NTSR1: variants seen among roughly 807,000 people sequenced by gnomAD.
The protein encoded by NTSR1 is neurotensin receptor type 1.
A neutral mutation model predicts 31.2 loss-of-function variants in NTSR1; 29 were observed. That is an observed-to-expected ratio of 0.93 (90% confidence interval 0.69 to 1.27). The LOEUF (loss-of-function observed/expected upper bound fraction) is 1.27, where lower values mean the gene tolerates loss of function less well. NTSR1 is among the 50% of genes most tolerant of loss of function. NTSR1 has a pLI of 0.00. For missense variants in NTSR1, 697 were observed against 595.4 expected (o/e 1.17, Z -1.78); for synonymous variants, 282 against 269.9 (o/e 1.04, Z -0.44).
chr20:62,716,818 C>T (rs117690058), intron 1 of NTSR1, among the ~76,000 whole-genome samples: 1,563 of 152,354 alleles, frequency 0.01, 14 homozygotes, highest in Middle Eastern at 0.054. Context: ...GCTAGCTCTG[C>T]AAGGGGGGCA....
Position 62,745,562 on chromosome 20 carries a change from A to G in NTSR1, c.715-9123A>G, listed in dbSNP as rs1485513164. 1.3e-5 allele frequency among the ~76,000 whole-genome samples: 2 copies of G among 152,142 alleles called. No individual in the cohort carries two copies. The highest frequency in any genetic ancestry group is 4.8e-5 in the African/African-American group (2 of 41,418). On this transcript the variant is annotated intron_variant, in intron 1 of 3. Coordinates refer to ENST00000370501, the MANE Select transcript of NTSR1 (RefSeq NM_002531.3). This position sits in a 1 kb window ranked among gnomAD's most constrained non-coding sequence, Gnocchi z 4.1. ...AAAACACACAGATATACAGAGAGAG[A>G]CACAACAGAGACAGACACAGGAAGG...
chr20:62,754,977 T>C, intron 2 of NTSR1, 91 bp downstream of exon 2: 1 of 1,295,426 alleles, frequency 7.7e-7, no homozygotes, highest in Non-Finnish European at 1.1e-6. Context: ...TGGGCAAGGT[T>C]TAAAGACATA....
rs907900840 is a variant in NTSR1, at chr20:62,760,322, G to A, written c.*55G>A. ...AGCCTGGCCATGGGTCCTTGCCCCC[G>A]ACAGACAGAGCAGCCCCCACCCGGG... On this transcript the variant is annotated 3_prime_UTR_variant, in exon 4 of 4. Transcript: ENST00000370501. 96 of 1,547,000 alleles carry A rather than the reference G, an allele frequency of 6.2e-5. No homozygotes were observed. The highest frequency in any genetic ancestry group is 1.1e-4 in the East Asian group (5 of 44,148).
Position 62,709,147 on chromosome 20 carries a change from C to CT in NTSR1, c.-60dup. 6.1e-6 allele frequency: 8 copies of CT among 1,315,492 alleles called. No individual in the cohort carries two copies. Among genetic ancestry groups the CT allele is most frequent in the Non-Finnish European group, 7.9e-6 (8 of 1,016,868 alleles). 81.5% of individuals were successfully genotyped at this position (1,315,492 alleles called of 1,614,324 possible). On this transcript the variant is annotated 5_prime_UTR_variant, in exon 1 of 4. Transcript: ENST00000370501. ...TCGGTCCCCGCCTGAGACGCGCCCA[C>CT]TCCTGCCCGGACTTCCAGCCCCGGA...
At chr20:62,755,043 GCCATTCTGCACT>G (rs1989460849) in intron 2 of NTSR1, among the ~76,000 whole-genome samples, 157 bp downstream of exon 2, 2 of 151,720 alleles carry the variant, frequency 1.3e-5, no homozygotes, top group South Asian at 4.1e-4. Context: ...AGGGGTGAGT[GCCATTCTGCACT>G]CCATCCCTCC....
rs1255031012 is a variant in NTSR1, at chr20:62,741,118, G to A, written c.715-13567G>A. Among the ~76,000 whole-genome samples the A allele has an allele frequency of 6.6e-6, 1 of 152,118 alleles. No homozygotes were observed. The highest frequency in any genetic ancestry group is 1.9e-4 in the East Asian group (1 of 5,182). On this transcript the variant is annotated intron_variant, in intron 1 of 3. Coordinates refer to ENST00000370501, the MANE Select transcript of NTSR1 (RefSeq NM_002531.3). The surrounding 1 kb of genome is among the most constrained non-coding windows in gnomAD (Gnocchi z 4.3). ...CAGCACAGGTAGAGGAGGCAAGGGT[G>A]TCAGGAAGGCTCTTTCCCTAATCTG...
At chr20:62,754,264 C>T (rs1299168150) in intron 1 of NTSR1, among the ~76,000 whole-genome samples, 1 of 152,222 alleles carries the variant, frequency 6.6e-6, no homozygotes, top group Admixed American at 6.5e-5. Flanking sequence ...GACTCTCCCA[C>T]AGGACGGGCC....
intron 1 of NTSR1, among the ~76,000 whole-genome samples, chr20:62,749,233 A>C (rs1989352413): frequency 6.6e-6 from 1 of 152,196 alleles, no homozygotes; most frequent in African/African-American, 2.4e-5. Context: ...CGAGGTCAGG[A>C]GATCGAGACC....
chr20:62,727,659 G>A (rs1031822512), intron 1 of NTSR1, among the ~76,000 whole-genome samples: 1 of 152,220 alleles, frequency 6.6e-6, no homozygotes, highest in South Asian at 2.1e-4. Flanking sequence ...GGAGGCGGGA[G>A]TGCCTGAGCC....
intron 1 of NTSR1, among the ~76,000 whole-genome samples, chr20:62,716,226 C>T (rs1845757592): frequency 6.6e-6 from 1 of 152,162 alleles, no homozygotes; most frequent in Non-Finnish European, 1.5e-5. Flanking sequence ...CTCTTTTCTG[C>T]TTTCTGGCTC....
Position 62,760,195 on chromosome 20 carries a change from C to G in NTSR1, c.1185C>G (p.Phe395Leu), listed in dbSNP as rs142679048. The G allele has an allele frequency of 6.2e-7, 1 of 1,613,994 alleles. No individual in the cohort carries two copies. Among genetic ancestry groups the G allele is most frequent in the Non-Finnish European group, 8.5e-7 (1 of 1,180,028 alleles). ...VWRRRRKRPA[F>L]SRKADSVSSN... ...GGCGCAGGAGGAAGAGGCCAGCCTT[C>G]TCGAGGAAGGCCGACAGCGTGTCCA... Residue 395 changes from phenylalanine (F) to leucine (L), a missense_variant, in exon 4 of 4, where the codon TTC (phenylalanine) becomes TTG (leucine). Transcript: ENST00000370501.
chr20:62,709,304 C>T lies in NTSR1; in HGVS notation c.97C>T (p.Pro33Ser), dbSNP rs763237065. ...QAGLEEALLA[P>S]GFGNASGNAS... ...CGGACTGGAGGAGGCGCTGCTGGCC[C>T]CGGGCTTCGGCAACGCTTCGGGCAA... is the stretch of plus-strand genomic sequence containing the variant. Residue 33 changes from proline (P) to serine (S), a missense_variant, in exon 1 of 4, where the codon CCG (proline) becomes TCG (serine). Pro to Ser is a moderately conservative substitution (Grantham distance 74). Transcript: ENST00000370501. 1 of 1,601,622 alleles carries T rather than the reference C, an allele frequency of 6.2e-7. No individual in the cohort carries two copies. The highest frequency in any genetic ancestry group is 1.7e-5 in the Admixed American group (1 of 59,430).
Position 62,732,291 on chromosome 20 carries a change from T to C in NTSR1, c.714+22370T>C, listed in dbSNP as rs1271982890. Among the ~76,000 whole-genome samples, 6 of 152,192 alleles carry C rather than the reference T, an allele frequency of 3.9e-5. No individual in the cohort carries two copies. Among genetic ancestry groups the C allele is most frequent in the African/African-American group, 1.4e-4 (6 of 41,444 alleles). The stretch of plus-strand genomic sequence containing the variant: ...AAGAAAAGCTTCAGGTTTGTCACCA[T>C]TGAGTATGACATGGGCTGTAGGTTT... On this transcript the variant is annotated intron_variant, in intron 1 of 3. Transcript: ENST00000370501. The surrounding 1 kb of genome is among the most constrained non-coding windows in gnomAD (Gnocchi z 4.0).
rs1168216120 is a variant in NTSR1, at chr20:62,719,049, G to A, written c.714+9128G>A. On this transcript the variant is annotated intron_variant, in intron 1 of 3. Coordinates refer to ENST00000370501, the MANE Select transcript of NTSR1 (RefSeq NM_002531.3). ...CTTGCCTCACTGCTCTGGCTATGAC[G>A]TCCAGTATGATGGTGAATAGGAGTG... is the stretch of plus-strand genomic sequence containing the variant. Among the ~76,000 whole-genome samples the A allele has an allele frequency of 5.3e-5, 8 of 150,978 alleles. No individual in the cohort carries two copies. In the East Asian group the frequency reaches 7.7e-4, roughly 15 times the overall value.
At chr20:62,755,233 T>TCCA (rs1989467742) in intron 2 of NTSR1, among the ~76,000 whole-genome samples, 1 of 95,938 alleles carries the variant, frequency 1.0e-5, no homozygotes, top group African/African-American at 3.9e-5. Context: ...CTCTCCCTCC[T>TCCA]TCCCTCCATT....
chr20:62,760,136 C>T lies in NTSR1; in HGVS notation c.1126C>T (p.Leu376=), dbSNP rs552846115. 2 of 1,614,208 alleles carry T rather than the reference C, an allele frequency of 1.2e-6. No homozygotes were observed. Among genetic ancestry groups the T allele is most frequent in the South Asian group, 2.2e-5 (2 of 91,090 alleles). The change falls in exon 4 of 4, where the codon CTG becomes TTG. Residue 376 remains leucine (L), a synonymous_variant. Coordinates refer to ENST00000370501, the MANE Select transcript of NTSR1 (RefSeq NM_002531.3). Reference sequence around the variant, plus strand: ...CTCTGCCAACTTCCGCCACATCTTCCTGGCCACACTGGCCTGCCTCTGCCC... The same window carrying T: ...CTCTGCCAACTTCCGCCACATCTTCTTGGCCACACTGGCCTGCCTCTGCCC... ...LVSANFRHIF[L]ATLACLCPVW...
intron 1 of NTSR1, among the ~76,000 whole-genome samples, chr20:62,750,552 A>T (rs957520855): frequency 2.0e-5 from 3 of 151,896 alleles, no homozygotes; most frequent in African/African-American, 7.3e-5. Context: ...TTAGCTGGGC[A>T]TGGTGGCGGG....
intron 1 of NTSR1, among the ~76,000 whole-genome samples, chr20:62,739,758 G>A (rs1218372203): frequency 6.6e-6 from 1 of 152,280 alleles, no homozygotes; most frequent in Non-Finnish European, 1.5e-5. Flanking sequence ...GGCAGGATGT[G>A]CCTGATGCCC....
intron 1 of NTSR1, among the ~76,000 whole-genome samples, chr20:62,727,143 A>G (rs1988921379): frequency 6.6e-6 from 1 of 151,970 alleles, no homozygotes; most frequent in Admixed American, 6.5e-5. Context: ...GGTTGCCTGC[A>G]TAAGCCAGGG....
Sources: gnomAD v4.1 joint callset for allele counts (sites outside exome capture counted in the v4.1 genomes callset) on GRCh38, gnomAD v4.1.1 for gene constraint, Gnocchi (gnomAD v3.1) non-coding constraint, MANE v1.5 for transcripts, NCBI Gene and HGNC (gene_info 2026-07-23, HGNC 2026-07-21) for gene names.